BRDT: variants seen among roughly 807,000 people sequenced by gnomAD.
BRDT encodes the protein bromodomain testis-specific protein.
A neutral mutation model predicts 113.9 loss-of-function variants in BRDT; 77 were observed. The observed-to-expected ratio is 0.68, with a 90% confidence interval of 0.56 to 0.82. BRDT has a LOEUF of 0.82. Among genes scored for constraint, BRDT ranks in the 40% least tolerant of loss-of-function variants. The pLI is 0.00. For missense variants in BRDT, 1,027 were observed against 1,105.4 expected (o/e 0.93, Z 1.01); for synonymous variants, 358 against 366.5 (o/e 0.98, Z 0.26).
chr1:91,965,274 A>G (rs1053498217), intron 3 of BRDT, among the ~76,000 whole-genome samples: 10 of 152,008 alleles, frequency 6.6e-5, no homozygotes, highest in African/African-American at 2.4e-4. Context: ...ATTTTCACAT[A>G]CCAATACTTG....
chr1:91,981,235 T>C (rs1248856593), intron 10 of BRDT, 33 bp from the exon 11 acceptor site: 7 of 1,610,666 alleles, frequency 4.3e-6, no homozygotes, highest in Admixed American at 1.7e-5. Context: ...GGTTTTTGGT[T>C]ATACTCACTT....
At chr1:91,988,022 G>T (rs995425138) in intron 12 of BRDT, among the ~76,000 whole-genome samples, 4 of 151,884 alleles carry the variant, frequency 2.6e-5, no homozygotes, top group South Asian at 4.2e-4. Flanking sequence ...GCTAATTTTT[G>T]TATTTTTAGT....
chr1:91,984,570 G>A (rs747685723), intron 12 of BRDT, among the ~76,000 whole-genome samples: 4 of 152,024 alleles, frequency 2.6e-5, no homozygotes, highest in African/African-American at 9.7e-5. Flanking sequence ...AGCTTTATCT[G>A]CTACATCAGT....
Position 91,991,842 on chromosome 1 carries a change from A to G in BRDT, c.2065-422A>G, listed in dbSNP as rs1047420410. ...CCCGTCTCTACTAAAAATACAAAAA[A>G]TTAGCCGGGCATGGCGCCATGCGCC... On this transcript the variant is annotated intron_variant, in intron 13 of 18. Coordinates refer to ENST00000399546, the MANE Select transcript of BRDT (RefSeq NM_207189.4). Among the ~76,000 whole-genome samples, 4 of 74,856 alleles carry G rather than the reference A, an allele frequency of 5.3e-5. No individual in the cohort carries two copies. In the Admixed American group the frequency reaches 6.0e-4, roughly 11 times the overall value. 49.1% of individuals were successfully genotyped at this position (74,856 alleles called of 152,430 possible).
chr1:91,960,092 G>C (rs1682267355), intron 1 of BRDT, among the ~76,000 whole-genome samples: 1 of 152,196 alleles, frequency 6.6e-6, no homozygotes, highest in Non-Finnish European at 1.5e-5. Flanking sequence ...CTTGTACGTT[G>C]TTAGTGGGAA....
At chr1:91,952,335 G>A (rs775667158) in intron 1 of BRDT, 1 of 152,106 alleles carries the variant, frequency 6.6e-6, no homozygotes, top group Non-Finnish European at 1.5e-5. Flanking sequence ...AGGCTGTAAA[G>A]ACAGTGGGTG....
At chr1:91,955,447 C>T (rs933228359) in intron 1 of BRDT, among the ~76,000 whole-genome samples, 1 of 152,098 alleles carries the variant, frequency 6.6e-6, no homozygotes, top group East Asian at 1.9e-4. Context: ...GAGTGAGACT[C>T]CATCTTAAAA....
chr1:92,007,175 G>A (rs1194668216), intron 18 of BRDT, among the ~76,000 whole-genome samples: 1 of 151,990 alleles, frequency 6.6e-6, no homozygotes, highest in Non-Finnish European at 1.5e-5. Context: ...ATTGTTTTCT[G>A]TTCCTGTCTT....
rs58890282 is a variant in BRDT, at chr1:92,010,967, A to AT, written c.2776-3225dup. On this transcript the variant is annotated intron_variant, in intron 18 of 18. Coordinates refer to ENST00000399546, the MANE Select transcript of BRDT (RefSeq NM_207189.4). Reference sequence around the variant, plus strand: ...TGAATGTTACCTTGTTGGGTGCTAGATTTTTTTTTTTTTTCCCAGCAATCT... The same window carrying AT: ...TGAATGTTACCTTGTTGGGTGCTAGATTTTTTTTTTTTTTTCCCAGCAATCT... Among the ~76,000 whole-genome samples the AT allele has an allele frequency of 1.7e-3, 244 of 143,120 alleles. 3 individuals carry two copies. Among genetic ancestry groups the AT allele is most frequent in the Admixed American group, 3.8e-3 (54 of 14,278 alleles). The allele number at this position is 143,120 out of a possible 152,430, so 93.9% of individuals were successfully genotyped here. A position where few individuals can be genotyped will look rare whatever the true frequency, so the allele number is the denominator to read the frequency against.
At chr1:91,969,919 T>C (rs967462431) in intron 4 of BRDT, among the ~76,000 whole-genome samples, 2 of 148,206 alleles carry the variant, frequency 1.3e-5, no homozygotes, top group Non-Finnish European at 3.0e-5. Context: ...ACCTCTGCCT[T>C]CCAGGTTCAA....
At chr1:91,963,983 G>A (rs1250444628) in intron 2 of BRDT, among the ~76,000 whole-genome samples, 3 of 151,028 alleles carry the variant, frequency 2.0e-5, no homozygotes, top group Non-Finnish European at 4.4e-5. Flanking sequence ...GTGATTCTTG[G>A]GCCTCACCCT....
Position 92,004,462 on chromosome 1 carries a change from G to T in BRDT, c.2437G>T (p.Val813Leu). 1 of 1,610,844 alleles carries T rather than the reference G, an allele frequency of 6.2e-7. No individual in the cohort carries two copies. The highest frequency in any genetic ancestry group is 8.5e-7 in the Non-Finnish European group (1 of 1,179,246). The change falls in exon 17 of 19, where the codon GTG becomes TTG. Residue 813 changes from valine to leucine, a missense_variant. Coordinates refer to ENST00000399546, the MANE Select transcript of BRDT (RefSeq NM_207189.4). ...TTCATGGAAAAGTTTAGGCAAACCAGTGAAACCATCAGGTGTAATGAAATC... is the reference window on the plus strand; with the variant it reads ...TTCATGGAAAAGTTTAGGCAAACCATTGAAACCATCAGGTGTAATGAAATC... ...ADSWKSLGKP[V>L]KPSGVMKSSD...
intron 6 of BRDT, 33 bp from the exon 7 acceptor site, chr1:91,978,135 A>G (rs1156612179): frequency 6.3e-7 from 1 of 1,576,896 alleles, no homozygotes; most frequent in Non-Finnish European, 8.7e-7. Flanking sequence ...GAATTGAACT[A>G]TTTGTGAATC....
intron 15 of BRDT, 144 bp from the exon 16 acceptor site, chr1:92,001,905 G>A (rs573261579): frequency 1.2e-5 from 7 of 583,714 alleles, no homozygotes; most frequent in Admixed American, 6.5e-5. Context: ...CCCTAACTAA[G>A]AATATTCCAA....
intron 1 of BRDT, 75 bp from the exon 2 acceptor site, chr1:91,962,643 C>A (rs1682609392): frequency 4.3e-6 from 4 of 925,966 alleles, no homozygotes; most frequent in Non-Finnish European, 6.2e-6. Flanking sequence ...TTCTGTTACT[C>A]TTGAATAACA....
chr1:91,980,575 TGA>T lies in BRDT; in HGVS notation c.1288-67_1288-66del, dbSNP rs150656517. 1.1e-5 allele frequency: 14 copies of T among 1,322,498 alleles called. No individual in the cohort carries two copies. In the Admixed American group the frequency reaches 1.4e-4, roughly 14 times the overall value. The allele number at this position is 1,322,498 out of a possible 1,614,324, so 81.9% of individuals were successfully genotyped here. Reference sequence around the variant, plus strand: ...AGACATTCTTGACTTTGGAGTGGCTTGATTTTTTTCTAGTTTCTTTAATTATT... The same window carrying T: ...AGACATTCTTGACTTTGGAGTGGCTTTTTTTTTCTAGTTTCTTTAATTATT... On this transcript the variant is annotated intron_variant, in intron 8 of 18. Coordinates refer to ENST00000399546, the MANE Select transcript of BRDT (RefSeq NM_207189.4).
At chr1:91,951,084 T>C (rs551229425) in intron 1 of BRDT, among the ~76,000 whole-genome samples, 4 of 151,894 alleles carry the variant, frequency 2.6e-5, no homozygotes, top group African/African-American at 9.7e-5. Flanking sequence ...TGACAGGCAC[T>C]GTCATGGCCA....
In BRDT at chr1:91,962,833, C is replaced by T. The variant is rs1426040148; in HGVS notation, c.79C>T (p.Arg27Ter). Reference protein sequence around the residue: ...PEYINTKKNGRLTNQLQYLQK... With the variant: ...PEYINTKKNG Reference sequence around the variant, plus strand: ...ATATATAAATACTAAGAAAAATGGGCGATTGACAAATCAACTTCAGTATCT... The same window carrying T: ...ATATATAAATACTAAGAAAAATGGGTGATTGACAAATCAACTTCAGTATCT... The change falls in exon 2 of 19, where the codon CGA (arginine) becomes TGA (stop). Residue 27 changes from arginine to a stop codon, truncating the protein, a stop_gained. Transcript: ENST00000399546. LOFTEE classifies it high-confidence loss of function. 1.2e-6 allele frequency: 2 copies of T among 1,612,020 alleles called. No homozygotes were observed. Among genetic ancestry groups the T allele is most frequent in the East Asian group, 2.2e-5 (1 of 44,794 alleles).
intron 1 of BRDT, 144 bp from the exon 2 acceptor site, chr1:91,962,574 T>G (rs1190560391): frequency 2.5e-6 from 1 of 401,512 alleles, no homozygotes; most frequent in East Asian, 3.9e-5. Flanking sequence ...CCTCAAGTGA[T>G]CCACCCGCCT....
Sources: allele counts gnomAD v4.1 joint callset (sites outside exome capture counted in the v4.1 genomes callset), GRCh38; gene constraint gnomAD v4.1.1; transcripts MANE v1.5; gene names NCBI Gene and HGNC (gene_info 2026-07-23, HGNC 2026-07-21).